CDH18: variants seen among roughly 807,000 people sequenced by gnomAD.
CDH18 encodes cadherin 18, also known as cadherin-18.
CDH18 carries 31 observed loss-of-function variants against 67.9 expected under a neutral mutation model. That is an observed-to-expected ratio of 0.46 (90% CI 0.34 to 0.62). The LOEUF is 0.62. Among genes scored for constraint, CDH18 ranks in the 20% least tolerant of loss-of-function variants. The pLI is 0.01. For synonymous variants in CDH18, 362 were observed against 347.2 expected (o/e 1.04, Z -0.48); for missense variants, 890 against 975.5 (o/e 0.91, Z 1.17).
At chr5:19,636,490 AT>A (rs1753169807) in intron 5 of CDH18, among the ~76,000 whole-genome samples, 2 of 152,108 alleles carry the variant, frequency 1.3e-5, no homozygotes, top group East Asian at 3.9e-4. Context: ...CATATAATCT[AT>A]TTTGAGTGTA....
At chr5:19,846,511 C>G (rs1354298633) in intron 2 of CDH18, among the ~76,000 whole-genome samples, 1 of 152,088 alleles carries the variant, frequency 6.6e-6, no homozygotes, top group Non-Finnish European at 1.5e-5. Context: ...CCTTGAACAG[C>G]ATAGATTTTT....
chr5:20,517,952 G>A (rs1336515322), intron 1 of CDH18, among the ~76,000 whole-genome samples: 1 of 151,986 alleles, frequency 6.6e-6, no homozygotes, highest in East Asian at 1.9e-4. Context: ...GGAACAGGTT[G>A]AATTCTAAAT....
At chr5:20,358,672 A>G (rs1030756498) in intron 1 of CDH18, among the ~76,000 whole-genome samples, 2 of 152,170 alleles carry the variant, frequency 1.3e-5, no homozygotes, top group South Asian at 4.1e-4. Context: ...GGTTTTTTTA[A>G]GGTGCAAGAT....
At chr5:19,958,726 G>T (rs932064019) in intron 2 of CDH18, among the ~76,000 whole-genome samples, 7 of 152,058 alleles carry the variant, frequency 4.6e-5, no homozygotes, top group African/African-American at 1.7e-4. Flanking sequence ...CCTGGAATAT[G>T]CTTGAACCAG....
intron 5 of CDH18, among the ~76,000 whole-genome samples, chr5:19,651,756 T>C (rs980193914): frequency 3.9e-5 from 6 of 152,122 alleles, no homozygotes; most frequent in South Asian, 2.1e-4. Flanking sequence ...TAAGCAGGTA[T>C]AGTAAAAACA....
intron 1 of CDH18, among the ~76,000 whole-genome samples, chr5:20,560,468 TACACACAC>T (rs547246325): frequency 0.029 from 3,750 of 127,672 alleles, 138 homozygotes; most frequent in African/African-American, 0.099. Flanking sequence ...CCAACACTCA[TACACACAC>T]ACACACACAC....
chr5:20,550,853 G>A (rs541695748), intron 1 of CDH18, among the ~76,000 whole-genome samples: 9 of 152,298 alleles, frequency 5.9e-5, no homozygotes, highest in Non-Finnish European at 1.3e-4. Context: ...TCTGATGAAA[G>A]CCTCAGGAAG....
chr5:19,969,794 T>C (rs566961850), intron 2 of CDH18, among the ~76,000 whole-genome samples: 9 of 151,956 alleles, frequency 5.9e-5, no homozygotes, highest in African/African-American at 1.9e-4. Flanking sequence ...TGTATACATA[T>C]GTAACTAACC....
At chr5:20,036,439 G>A (rs763482774) in intron 2 of CDH18, among the ~76,000 whole-genome samples, 1 of 151,940 alleles carries the variant, frequency 6.6e-6, no homozygotes, top group Non-Finnish European at 1.5e-5. Flanking sequence ...AAAAAAAGAG[G>A]AGGGAAAGTG....
chr5:20,267,891 G>A (rs997847681), intron 1 of CDH18, among the ~76,000 whole-genome samples: 10 of 152,210 alleles, frequency 6.6e-5, no homozygotes, highest in Middle Eastern at 3.4e-3. Context: ...ATGATTGGTT[G>A]CATCACCCAG....
chr5:19,680,488 A>G (rs1393629835), intron 5 of CDH18, among the ~76,000 whole-genome samples: 1 of 152,018 alleles, frequency 6.6e-6, no homozygotes, highest in Admixed American at 6.6e-5. Flanking sequence ...TAAACATACA[A>G]CTTATATAAT....
chr5:19,742,061 C>T (rs1490183704), intron 4 of CDH18, among the ~76,000 whole-genome samples: 8 of 152,106 alleles, frequency 5.3e-5, no homozygotes, highest in Admixed American at 5.2e-4. Context: ...TACATTAAGA[C>T]ATGCTTTAGA....
At chr5:20,296,432 T>C (rs1298306750) in intron 1 of CDH18, among the ~76,000 whole-genome samples, 3 of 151,532 alleles carry the variant, frequency 2.0e-5, no homozygotes, top group Non-Finnish European at 4.4e-5. Flanking sequence ...TGGATAATTT[T>C]TTGTATTTTT....
At chr5:19,973,388 G>C (rs190335343) in intron 2 of CDH18, among the ~76,000 whole-genome samples, 1 of 152,200 alleles carries the variant, frequency 6.6e-6, no homozygotes, top group African/African-American at 2.4e-5. Context: ...GTATTCACTT[G>C]TGTCCTATTA....
chr5:20,369,411 G>T (rs1206337756), intron 1 of CDH18, among the ~76,000 whole-genome samples: 2 of 152,128 alleles, frequency 1.3e-5, no homozygotes, highest in African/African-American at 4.8e-5. Flanking sequence ...AAAAGGAAAA[G>T]GACAATTCAC....
chr5:20,424,774 G>T (rs199909687), intron 1 of CDH18, among the ~76,000 whole-genome samples: 1 of 86,976 alleles, frequency 1.1e-5, no homozygotes, highest in South Asian at 3.7e-4. Context: ...AAAAAAAAAG[G>T]AAGTGAACCA....
At chr5:20,004,470 T>C (rs1736725593) in intron 2 of CDH18, among the ~76,000 whole-genome samples, 1 of 152,174 alleles carries the variant, frequency 6.6e-6, no homozygotes, top group South Asian at 2.1e-4. Flanking sequence ...AGAGAACACT[T>C]CACCCAATTG....
chr5:20,525,945 G>A (rs1221761846), intron 1 of CDH18, among the ~76,000 whole-genome samples: 1 of 152,126 alleles, frequency 6.6e-6, no homozygotes, highest in Non-Finnish European at 1.5e-5. Flanking sequence ...GAAAAAACAG[G>A]AGAGTGTCTT....
intron 2 of CDH18, among the ~76,000 whole-genome samples, chr5:20,018,188 C>G (rs1738050733): frequency 6.6e-6 from 1 of 152,120 alleles, no homozygotes; most frequent in African/African-American, 2.4e-5. Flanking sequence ...TTGACAATGT[C>G]ACACAGACCT....
Sources: allele counts gnomAD v4.1 joint callset (sites outside exome capture counted in the v4.1 genomes callset), GRCh38; gene constraint gnomAD v4.1.1; transcripts MANE v1.5; gene names NCBI Gene and HGNC (gene_info 2026-07-23, HGNC 2026-07-21).